The following MAP2 variants were observed in gnomAD, a reference collection of about 807,000 sequenced individuals.
The protein encoded by MAP2 is microtubule associated protein 2.
In MAP2, 14 loss-of-function variants were observed where a neutral mutation model predicts 137.6. That is an observed-to-expected ratio of 0.10 (90% confidence interval 0.07 to 0.16). MAP2 has a LOEUF of 0.16. Among genes scored for constraint, MAP2 ranks in the 10% least tolerant of loss-of-function variants. The pLI, the probability that MAP2 is intolerant of heterozygous loss-of-function variation, is 1.00. For missense variants in MAP2, 2,088 were observed against 2,191.5 expected, an observed-to-expected ratio of 0.95 and a Z score of 0.94; for synonymous variants, 786 against 782.3, an observed-to-expected ratio of 1.00 and a Z score of -0.08.
At chr2:209,728,847 G>A (rs986294688) in intron 14 of MAP2, among the ~76,000 whole-genome samples, 1 of 148,108 alleles carries the variant, frequency 6.8e-6, no homozygotes, top group Non-Finnish European at 1.5e-5. Context: ...TGAGACCTAC[G>A]TTACCGCTTC....
chr2:209,575,416 G>A (rs2075182654), intron 2 of MAP2, among the ~76,000 whole-genome samples: 1 of 150,356 alleles, frequency 6.7e-6, no homozygotes, highest in Non-Finnish European at 1.5e-5. Flanking sequence ...AGCTACTCGG[G>A]AGGCTGAGGC....
At chr2:209,581,627 A>G (rs544182958) in intron 3 of MAP2, among the ~76,000 whole-genome samples, 67 of 152,278 alleles carry the variant, frequency 4.4e-4, no homozygotes, top group African/African-American at 1.5e-3. Flanking sequence ...CATCTGATTA[A>G]ATCCAGAGAG....
intron 1 of MAP2, among the ~76,000 whole-genome samples, chr2:209,470,674 A>C (rs751055467): frequency 6.6e-6 from 1 of 152,058 alleles, no homozygotes; most frequent in Non-Finnish European, 1.5e-5. Flanking sequence ...TGTCTCCATC[A>C]TAGCTCCCAT....
In MAP2 at chr2:209,733,738, T is replaced by C. The variant is rs2076086977; in HGVS notation, c.*3341T>C. Reference sequence around the variant, plus strand: ...AAAGATTGACGTGCTAAAATAAGCATTGATGTTTTGAGTTTTTTTACACCT... The same window carrying C: ...AAAGATTGACGTGCTAAAATAAGCACTGATGTTTTGAGTTTTTTTACACCT... On this transcript the variant is annotated 3_prime_UTR_variant, in exon 16 of 16. Coordinates refer to ENST00000682079, the MANE Select transcript of MAP2 (RefSeq NM_001375505.1). 1 of 152,296 alleles carries C rather than the reference T, an allele frequency of 6.6e-6. No individual in the cohort carries two copies. Among genetic ancestry groups the C allele is most frequent in the Non-Finnish European group, 1.5e-5 (1 of 68,028 alleles). The allele number at this position is 152,296 out of a possible 1,614,324, so 9.4% of individuals were successfully genotyped here.
chr2:209,638,209 A>C (rs1331113347), intron 4 of MAP2, among the ~76,000 whole-genome samples: 1 of 152,140 alleles, frequency 6.6e-6, no homozygotes, highest in Non-Finnish European at 1.5e-5. Context: ...CATGGAAATC[A>C]ACCTGATTCC....
At chr2:209,704,549 G>A in intron 11 of MAP2, 1 of 1,612,794 alleles carries the variant, frequency 6.2e-7, no homozygotes, top group Non-Finnish European at 8.5e-7. Flanking sequence ...TACATTTTCT[G>A]ACAGTTTATT....
Position 209,506,481 on chromosome 2 carries a change from A to G in MAP2, c.-221-1111A>G, listed in dbSNP as rs549355509. Among the ~76,000 whole-genome samples the G allele has an allele frequency of 3.3e-5, 5 of 152,312 alleles. No individual in the cohort carries two copies. In the South Asian group the frequency reaches 1.0e-3, roughly 32 times the overall value. ...CCAGTTAACTCACAAACATACTTCT[A>G]GAACCTAACTTGCTTTTTAATTAGA... On this transcript the variant is annotated intron_variant, in intron 1 of 15. Transcript: ENST00000682079.
chr2:209,617,933 CA>C (rs1292936420), intron 3 of MAP2, among the ~76,000 whole-genome samples: 1 of 150,886 alleles, frequency 6.6e-6, no homozygotes, highest in Non-Finnish European at 1.5e-5. Flanking sequence ...AAAATGCTAT[CA>C]AAAAGTAGTT....
Position 209,583,950 on chromosome 2 carries a change from G to A in MAP2, c.-107+3850G>A, listed in dbSNP as rs895382853. 2.0e-5 allele frequency among the ~76,000 whole-genome samples: 3 copies of A among 151,786 alleles called. No individual in the cohort carries two copies. In the East Asian group the frequency reaches 5.8e-4, roughly 29 times the overall value. On this transcript the variant is annotated intron_variant, in intron 3 of 15. Coordinates refer to ENST00000682079, the MANE Select transcript of MAP2 (RefSeq NM_001375505.1). ...TCCCTCTGCGCTTTAGTAGTCCCCA[G>A]TGTCTATTGTTGCCATCTTTATGTC... is the stretch of plus-strand genomic sequence containing the variant.
At chr2:209,696,472 A>G in intron 8 of MAP2, 70 bp from the exon 9 acceptor site, 1 of 1,505,790 alleles carries the variant, frequency 6.6e-7, no homozygotes, top group South Asian at 1.2e-5. Context: ...AAATATACAA[A>G]GGATTTTGTA....
At position 209,692,727 on chromosome 2, in the gene MAP2, G is replaced by A. The variant is rs753781261; in HGVS notation, c.557G>A (p.Ser186Asn). ...DQKEKESEKQ[S>N]KPGEDLKHAA... ...AAGGAAAAGGAGTCAGAGAAGCAAA[G>A]TAAGCCTGGTGAAGACCTTAAACAT... The change falls in exon 8 of 16, where the codon AGT becomes AAT. Residue 186 changes from serine (S) to asparagine (N), a missense_variant. Coordinates refer to ENST00000682079, the MANE Select transcript of MAP2 (RefSeq NM_001375505.1). 3.0e-5 allele frequency: 49 copies of A among 1,613,904 alleles called. No individual in the cohort carries two copies. The East Asian group carries it at 1.1e-3, about 35-fold the overall frequency.
In MAP2 at chr2:209,492,546, G is replaced by A. The variant is rs112015847; in HGVS notation, c.-221-15046G>A. On this transcript the variant is annotated intron_variant, in intron 1 of 15. Coordinates refer to ENST00000682079, the MANE Select transcript of MAP2 (RefSeq NM_001375505.1). Reference sequence around the variant, plus strand: ...AATTCTATATTTAGAAAACACCATCGTCAGGCCCAAAATCTCCTTAAGATG... The same window carrying A: ...AATTCTATATTTAGAAAACACCATCATCAGGCCCAAAATCTCCTTAAGATG... Among the ~76,000 whole-genome samples the A allele has an allele frequency of 6.1e-3, 926 of 152,158 alleles. 9 individuals carry two copies. The highest frequency in any genetic ancestry group is 0.021 in the African/African-American group (870 of 41,510).
At chr2:209,594,161 A>C (rs1579704265) in intron 3 of MAP2, among the ~76,000 whole-genome samples, 2 of 144,866 alleles carry the variant, frequency 1.4e-5, no homozygotes, top group African/African-American at 2.5e-5. Context: ...AAAAGCAGGC[A>C]TCCCAGAGGG....
chr2:209,558,887 T>G (rs1382261322), intron 2 of MAP2, among the ~76,000 whole-genome samples: 3 of 152,062 alleles, frequency 2.0e-5, no homozygotes, highest in Admixed American at 6.5e-5. Flanking sequence ...AGTATATATT[T>G]TTTGGGGAAA....
intron 2 of MAP2, among the ~76,000 whole-genome samples, chr2:209,535,667 T>A (rs2065851128): frequency 6.6e-6 from 1 of 152,152 alleles, no homozygotes; most frequent in Admixed American, 6.5e-5. Flanking sequence ...TGAGGAGGTT[T>A]GTAGTTTTAG....
At chr2:209,572,331 C>T (rs989316724) in intron 2 of MAP2, among the ~76,000 whole-genome samples, 6 of 152,010 alleles carry the variant, frequency 3.9e-5, no homozygotes, top group African/African-American at 1.4e-4. Flanking sequence ...TCTCAATATG[C>T]TCTTTGCTTT....
At chr2:209,654,792 A>G (rs2095037706) in intron 5 of MAP2, among the ~76,000 whole-genome samples, 1 of 152,202 alleles carries the variant, frequency 6.6e-6, no homozygotes, top group Admixed American at 6.5e-5. Context: ...TCATCATCGT[A>G]TCTTGCAGCA....
chr2:209,608,216 A>C (rs562355471), intron 3 of MAP2, among the ~76,000 whole-genome samples: 1 of 152,314 alleles, frequency 6.6e-6, no homozygotes, highest in African/African-American at 2.4e-5. Context: ...ACTGTCCAAA[A>C]CCTGAAACAA....
intron 10 of MAP2, among the ~76,000 whole-genome samples, chr2:209,698,097 C>T (rs2060747717): frequency 6.6e-6 from 1 of 151,986 alleles, no homozygotes; most frequent in Admixed American, 6.5e-5. Context: ...ATCCACCTGC[C>T]TCAGCCTCCC....
Sources: gnomAD v4.1 joint callset for allele counts (sites outside exome capture counted in the v4.1 genomes callset) on GRCh38, gnomAD v4.1.1 for gene constraint, MANE v1.5 for transcripts, NCBI Gene and HGNC (gene_info 2026-07-23, HGNC 2026-07-21) for gene names.